Variants in MILR1 observed in about 807,000 individuals in gnomAD.
MILR1 encodes mast cell immunoglobulin like receptor 1, also known as allergin-1.
MILR1 carries 31 observed loss-of-function variants against 18.5 expected under a neutral mutation model. That is an observed-to-expected ratio of 1.68 (90% CI 1.26 to 2.26). The LOEUF is 2.26. Ranked by LOEUF, MILR1 falls within the 30% of genes most tolerant of loss-of-function variation. MILR1 has a pLI of 0.00. For synonymous variants in MILR1, 85 were observed against 56.2 expected, an observed-to-expected ratio of 1.51 and a Z score of -2.30; for missense variants, 257 against 157.4, an observed-to-expected ratio of 1.63 and a Z score of -3.38.
intron 4 of MILR1, among the ~76,000 whole-genome samples, chr17:64,458,453 T>C (rs2037352357): frequency 6.6e-6 from 1 of 151,922 alleles, no homozygotes; most frequent in Non-Finnish European, 1.5e-5. Context: ...CCCCAAGCGA[T>C]CTGCCCACCT....
chr17:64,470,181 C>T (rs1389176221), downstream of MILR1, among the ~76,000 whole-genome samples: 1 of 152,138 alleles, frequency 6.6e-6, no homozygotes, highest in Non-Finnish European at 1.5e-5. Flanking sequence ...GCAACCTCTG[C>T]CTCCCGGGTT....
chr17:64,454,373 C>T (rs934645251), intron 3 of MILR1, among the ~76,000 whole-genome samples: 3 of 152,154 alleles, frequency 2.0e-5, no homozygotes, highest in Non-Finnish European at 2.9e-5. Flanking sequence ...ATTACAAGCA[C>T]GTGCCATAAT....
chr17:64,491,759 C>T, the MILR1 span: 1 of 694,064 alleles, frequency 1.4e-6, no homozygotes, highest in South Asian at 1.4e-5. Context: ...ACAAGGAGCT[C>T]AAGCACGAGC....
intron 4 of MILR1, among the ~76,000 whole-genome samples, chr17:64,459,286 T>C (rs1279765511): frequency 6.6e-6 from 1 of 151,842 alleles, no homozygotes. Flanking sequence ...ATAAAAAAAT[T>C]AGCCGGGTGT....
In MILR1 at chr17:64,457,656, C is replaced by G. The variant is rs1004863022; in HGVS notation, c.624C>G (p.Tyr208Ter). 1.9e-4 allele frequency: 89 copies of G among 475,112 alleles called. No individual in the cohort carries two copies. Among genetic ancestry groups the G allele is most frequent in the African/African-American group, 1.6e-3 (83 of 50,650 alleles). The allele number at this position is 475,112 out of a possible 1,614,324, so 29.4% of individuals were successfully genotyped here. The change falls in exon 4 of 10, where the codon TAC (tyrosine) becomes TAG (stop). Residue 208 changes from tyrosine (Y) to a stop codon, truncating the protein, a stop_gained. Coordinates refer to ENST00000619286, the MANE Select transcript of MILR1 (RefSeq NM_001085423.2). LOFTEE classifies it high-confidence loss of function. ...AKNRLPNYATYSHPVTMPSTG... is the reference protein window; with the variant it reads ...AKNRLPNYAT ...ACAGATTGCCTAACTATGCAACATA[C>G]AGTCACCCTGTCACCATGCCCTCAA...
chr17:64,481,454 G>T, the MILR1 span: 1 of 979,628 alleles, frequency 1.0e-6, no homozygotes. Flanking sequence ...TCTCTGGAAC[G>T]AAATGAAAGC....
At chr17:64,456,444 T>G (rs1446643757) in intron 3 of MILR1, among the ~76,000 whole-genome samples, 7 of 152,186 alleles carry the variant, frequency 4.6e-5, no homozygotes, top group Admixed American at 4.6e-4. Context: ...GCAGGGTTAC[T>G]TCCTGCTCTT....
At chr17:64,452,510 C>A in intron 2 of MILR1, 87 bp from the exon 3 acceptor site, 1 of 410,234 alleles carries the variant, frequency 2.4e-6, no homozygotes, top group East Asian at 3.6e-5. Context: ...GCCTCGGCCG[C>A]CCAAAGTGCT....
Position 64,449,185 on chromosome 17 carries a change from A to G in MILR1, c.17A>G (p.Asn6Ser), listed in dbSNP as rs28375874. 7,779 of 471,858 alleles carry G rather than the reference A, an allele frequency of 0.016. 516 individuals are homozygous for G. Among genetic ancestry groups the G allele is most frequent in the African/African-American group, 0.14 (7,064 of 50,536 alleles). 29.2% of individuals were successfully genotyped at this position (471,858 alleles called of 1,614,324 possible). A position where few individuals can be genotyped will look rare whatever the true frequency, so the allele number is the denominator to read the frequency against. Residue 6 changes from asparagine (N) to serine (S), a missense_variant, in exon 1 of 10, where the codon AAC becomes AGC. By Grantham distance (46) the Asn-to-Ser change is conservative (BLOSUM62 1). Transcript: ENST00000619286. Reference sequence around the variant, plus strand: ...ACTGGGAGAATGTGGAGCCATTTGAACAGGCTCCTCTTCTGGAGCATATTT... The same window carrying G: ...ACTGGGAGAATGTGGAGCCATTTGAGCAGGCTCCTCTTCTGGAGCATATTT... The part of the protein sequence containing the change: MWSHL[N>S]RLLFWSIFSS...
At chr17:64,465,670 A>T in intron 6 of MILR1, 129 bp downstream of exon 6, 1 of 871,426 alleles carries the variant, frequency 1.1e-6, no homozygotes, top group Non-Finnish European at 1.8e-6. Flanking sequence ...ATTGATGCCC[A>T]GTCCCACTTT....
chr17:64,454,078 C>T (rs1328453283), intron 3 of MILR1, among the ~76,000 whole-genome samples: 1 of 151,256 alleles, frequency 6.6e-6, no homozygotes, highest in African/African-American at 2.4e-5. Context: ...TACAGGCATG[C>T]ACCACCATGC....
Position 64,457,594 on chromosome 17 carries a change from C to A in MILR1, c.562C>A (p.Pro188Thr). 2.1e-6 allele frequency: 1 copy of A among 475,354 alleles called. No homozygotes were observed. The allele number at this position is 475,354 out of a possible 1,614,324, so 29.4% of individuals were successfully genotyped here. The change falls in exon 4 of 10, where the codon CCT becomes ACT. Residue 188 changes from proline to threonine, a missense_variant. Transcript: ENST00000619286. ...PAEFNLTKKN[P>T]GEEEEYRCEA... ...TGAATTTAACTTAACCAAGAAGAAT[C>A]CTGGAGAAGAGGAAGAGTATAGGTG...
intron 5 of MILR1, among the ~76,000 whole-genome samples, 183 bp from the exon 6 acceptor site, chr17:64,465,268 TG>T (rs1326889565): frequency 3.3e-5 from 5 of 152,208 alleles, no homozygotes; most frequent in African/African-American, 1.2e-4. Flanking sequence ...GCCCCTGGCT[TG>T]GAGGAGCGGT....
At chr17:64,480,279 CA>C in the MILR1 span, 1 of 1,336,240 alleles carries the variant, frequency 7.5e-7, no homozygotes, top group African/African-American at 1.4e-5. Flanking sequence ...AATGAAAATA[CA>C]ATTCTTACTT....
the MILR1 span, chr17:64,491,472 G>A: frequency 1.9e-5 from 22 of 1,130,952 alleles, no homozygotes; most frequent in African/African-American, 7.7e-5. Flanking sequence ...ATTGTGCAAC[G>A]GCAGTCCAGC....
At chr17:64,455,995 C>T (rs1391243065) in intron 3 of MILR1, among the ~76,000 whole-genome samples, 10 of 151,934 alleles carry the variant, frequency 6.6e-5, no homozygotes, top group Non-Finnish European at 1.3e-4. Context: ...GAGCTGAGAT[C>T]GTGGCACTGC....
chr17:64,488,375 G>A, the MILR1 span, among the ~76,000 whole-genome samples: 2 of 152,030 alleles, frequency 1.3e-5, no homozygotes, highest in East Asian at 3.8e-4. Context: ...TCTGCAATAG[G>A]AAAACTCTTC....
chr17:64,472,492 A>AAAAAAG (rs2037704590), downstream of MILR1, among the ~76,000 whole-genome samples: 1 of 149,844 alleles, frequency 6.7e-6, no homozygotes, highest in Admixed American at 6.7e-5. Flanking sequence ...AAAAAAAAAA[A>AAAAAAG]AAAAAGAATA....
chr17:64,497,158 C>T, the MILR1 span: 3 of 660,910 alleles, frequency 4.5e-6, no homozygotes, highest in Non-Finnish European at 8.1e-6. Flanking sequence ...CCCACCATGG[C>T]GGACGCCGGC....
Sources: allele counts gnomAD v4.1 joint callset (sites outside exome capture counted in the v4.1 genomes callset), GRCh38; gene constraint gnomAD v4.1.1; transcripts MANE v1.5; gene names NCBI Gene and HGNC (gene_info 2026-07-23, HGNC 2026-07-21).